Variants in DAB1 observed in about 807,000 individuals in gnomAD.
DAB1 encodes the protein disabled homolog 1.
Under a neutral mutation model 64.6 loss-of-function variants are expected in DAB1, and 15 were observed. The observed-to-expected ratio is 0.23, with a 90% CI of 0.16 to 0.36. The LOEUF is 0.36. DAB1 is among the 10% of genes least tolerant of loss of function. The pLI, the probability that DAB1 is intolerant of heterozygous loss-of-function variation, is 1.00. For synonymous variants in DAB1, 235 were observed against 251.9 expected (o/e 0.93, Z 0.64); for missense variants, 596 against 706.7 (o/e 0.84, Z 1.78).
At chr1:57,423,089 C>A (rs1369947266) in intron 1 of DAB1, among the ~76,000 whole-genome samples, 1 of 151,842 alleles carries the variant, frequency 6.6e-6, no homozygotes, top group Non-Finnish European at 1.5e-5. Flanking sequence ...GTTCTCTCGG[C>A]GGTTGACACC....
chr1:57,058,955 A>G (rs988460773), intron 9 of DAB1, among the ~76,000 whole-genome samples: 4 of 152,224 alleles, frequency 2.6e-5, no homozygotes, highest in African/African-American at 9.6e-5. Flanking sequence ...AGAGAAAATG[A>G]CAATCCATTA....
intron 3 of DAB1, among the ~76,000 whole-genome samples, chr1:57,138,616 T>G (rs1195961820): frequency 6.6e-6 from 1 of 152,184 alleles, no homozygotes; most frequent in African/African-American, 2.4e-5. Context: ...GTTTCTAGAT[T>G]GCTCAATGTG....
chr1:58,395,017 A>G (rs1644507508), intron 3 of DAB1, among the ~76,000 whole-genome samples: 1 of 152,028 alleles, frequency 6.6e-6, no homozygotes, highest in African/African-American at 2.4e-5. Context: ...AGAATGGAGG[A>G]GTCATGGAAA....
In DAB1 at chr1:57,250,884, C is replaced by T. The variant is rs779831260; in HGVS notation, c.67+40080G>A. Among the ~76,000 whole-genome samples, 14 of 152,272 alleles carry T rather than the reference C, an allele frequency of 9.2e-5. No homozygotes were observed. In the East Asian group the frequency reaches 2.1e-3, roughly 23 times the overall value. On this transcript the variant is annotated intron_variant, in intron 2 of 14. Coordinates refer to ENST00000371236, the MANE Select transcript of DAB1 (RefSeq NM_001365792.1). ...TCTGAGACCATGGAGACATGACTAGCGTCATCCAGATGGCATTTTTCGCAG... is the reference window on the plus strand; with the variant it reads ...TCTGAGACCATGGAGACATGACTAGTGTCATCCAGATGGCATTTTTCGCAG...
At chr1:57,225,884 T>C (rs549669250) in intron 2 of DAB1, among the ~76,000 whole-genome samples, 1 of 152,266 alleles carries the variant, frequency 6.6e-6, no homozygotes, top group Non-Finnish European at 1.5e-5. Context: ...TCATTAACTT[T>C]TAATAATAAT....
chr1:58,359,005 T>A (rs1388349359), intron 3 of DAB1, among the ~76,000 whole-genome samples: 2 of 136,578 alleles, frequency 1.5e-5, no homozygotes, highest in Non-Finnish European at 3.2e-5. Flanking sequence ...CTAGGTTAGG[T>A]CTGAAGAGAG....
chr1:58,541,021 C>CA (rs556882962), intron 1 of DAB1, among the ~76,000 whole-genome samples: 126 of 151,928 alleles, frequency 8.3e-4, no homozygotes, highest in Non-Finnish European at 1.7e-3. Context: ...TTGAAAAACA[C>CA]AAAAAAAGCT....
rs1645602894 is a variant in DAB1 at position 56,996,053 on chromosome 1, A to T, written c.*2091T>A. On this transcript the variant is annotated 3_prime_UTR_variant, in exon 15 of 15. Transcript: ENST00000371236. ...TTGGTCAGTTTATCTAACTGAAAAA[A>T]AAATTAGACTCCTGTGACCTGATAG... The T allele has an allele frequency of 6.6e-6, 1 of 152,198 alleles. No individual in the cohort carries two copies. Among genetic ancestry groups the T allele is most frequent in the Non-Finnish European group, 1.5e-5 (1 of 68,028 alleles). The allele number at this position is 152,198 out of a possible 1,614,324, so 9.4% of individuals were successfully genotyped here. A position where few individuals can be genotyped will look rare whatever the true frequency, so the allele number is the denominator to read the frequency against.
intron 6 of DAB1, among the ~76,000 whole-genome samples, chr1:57,651,284 T>C (rs1646253417): frequency 1.3e-5 from 2 of 152,226 alleles, no homozygotes; most frequent in African/African-American, 4.8e-5. Flanking sequence ...AATATTTATC[T>C]AGTAACAATA....
intron 7 of DAB1, among the ~76,000 whole-genome samples, chr1:57,506,408 A>T (rs1644344089): frequency 6.6e-6 from 1 of 152,136 alleles, no homozygotes; most frequent in Non-Finnish European, 1.5e-5. Context: ...TATTTCCTGG[A>T]CTTCTGGCAT....
At chr1:58,298,189 T>C (rs1488253196) in intron 4 of DAB1, among the ~76,000 whole-genome samples, 1 of 152,196 alleles carries the variant, frequency 6.6e-6, no homozygotes, top group African/African-American at 2.4e-5. Context: ...CTTACTCAAA[T>C]GGGTGCTATG....
rs550594086 is a variant in DAB1, at chr1:58,226,913, A to G, written n.310-76325T>C. ...CCACCAATGTCTTCCGGAGGAACCCAGTGTTTATTGAGAATATTTATTGAT... is the reference window on the plus strand; with the variant it reads ...CCACCAATGTCTTCCGGAGGAACCCGGTGTTTATTGAGAATATTTATTGAT... On this transcript the variant is annotated intron_variant and non_coding_transcript_variant, in intron 4 of 20. Transcript: ENST00000485760. Among the ~76,000 whole-genome samples the G allele has an allele frequency of 5.9e-5, 9 of 152,254 alleles. 1 individual carries two copies. The South Asian group carries it at 1.9e-3, about 32-fold the overall frequency.
intron 5 of DAB1, among the ~76,000 whole-genome samples, chr1:57,951,320 A>ATATATATATATATATATG (rs1002592985): frequency 8.1e-6 from 1 of 123,320 alleles, no homozygotes; most frequent in African/African-American, 2.8e-5. Context: ...CCTGATTCAT[A>ATATATATATATATATATG]TATATATATA....
intron 3 of DAB1, among the ~76,000 whole-genome samples, chr1:57,140,728 A>G (rs1658516134): frequency 6.6e-6 from 1 of 152,134 alleles, no homozygotes; most frequent in Admixed American, 6.5e-5. Context: ...TAACAGTTAT[A>G]CTTTTGAGAC....
At chr1:57,379,171 C>T (rs1558271436) in intron 1 of DAB1, among the ~76,000 whole-genome samples, 3 of 150,238 alleles carry the variant, frequency 2.0e-5, no homozygotes, top group East Asian at 2.1e-4. Context: ...TAAGAAACCC[C>T]CTCCCCCACC....
chr1:58,222,926 A>C (rs1339779232), intron 4 of DAB1, among the ~76,000 whole-genome samples: 1 of 152,190 alleles, frequency 6.6e-6, no homozygotes, highest in Non-Finnish European at 1.5e-5. Flanking sequence ...GAAGGGACCA[A>C]CTTAAGGATG....
intron 5 of DAB1, among the ~76,000 whole-genome samples, chr1:58,070,739 A>C (rs2100570243): frequency 6.6e-6 from 1 of 152,288 alleles, no homozygotes; most frequent in Middle Eastern, 3.4e-3. Context: ...CATCTCTAGA[A>C]GGCCAATGGA....
intron 6 of DAB1, among the ~76,000 whole-genome samples, chr1:57,661,757 T>C (rs1421397626): frequency 6.6e-6 from 1 of 152,210 alleles, no homozygotes; most frequent in Non-Finnish European, 1.5e-5. Flanking sequence ...CCTATGTAAA[T>C]AGTTATGTTG....
intron 1 of DAB1, among the ~76,000 whole-genome samples, chr1:57,350,296 C>G (rs1297224422): frequency 1.3e-5 from 2 of 152,162 alleles, no homozygotes; most frequent in African/African-American, 2.4e-5. Context: ...ATCCCACCAG[C>G]TTTTACGTGG....
Sources: allele counts gnomAD v4.1 joint callset (sites outside exome capture counted in the v4.1 genomes callset), GRCh38; gene constraint gnomAD v4.1.1; transcripts MANE v1.5; gene names NCBI Gene and HGNC (gene_info 2026-07-23, HGNC 2026-07-21).